Variants in ATP8A2 observed in about 807,000 individuals in gnomAD.
ATP8A2 encodes the protein ATPase phospholipid transporting 8A2.
Under a neutral mutation model 165.6 loss-of-function variants are expected in ATP8A2, and 100 were observed. The ratio of observed to expected loss-of-function variants is 0.60; its 90% CI spans 0.51 to 0.71. ATP8A2 has a LOEUF of 0.71. Among genes scored for constraint, ATP8A2 ranks in the 30% least tolerant of loss-of-function variants. ATP8A2 has a pLI of 0.00. For synonymous variants in ATP8A2, 543 were observed against 548.8 expected (o/e 0.99, Z 0.15); for missense variants, 1,227 against 1,479.5 (o/e 0.83, Z 2.80).
chr13:25,902,697 T>C (rs930802584), intron 33 of ATP8A2, among the ~76,000 whole-genome samples: 1 of 152,116 alleles, frequency 6.6e-6, no homozygotes, highest in Non-Finnish European at 1.5e-5. Flanking sequence ...CATTTGCCCT[T>C]GACTGTTCAT....
At chr13:25,915,279 G>T (rs929028417) in intron 33 of ATP8A2, among the ~76,000 whole-genome samples, 2 of 152,190 alleles carry the variant, frequency 1.3e-5, no homozygotes, top group Non-Finnish European at 1.5e-5. Context: ...ATCAGTCAGG[G>T]TCTAACTGGG....
chr13:25,470,342 G>GTGGGCTTCGTTTAAGATACAGA (rs2035808374), intron 2 of ATP8A2, among the ~76,000 whole-genome samples: 1 of 152,188 alleles, frequency 6.6e-6, no homozygotes, highest in South Asian at 2.1e-4. Context: ...TTCAGAATGT[G>GTGGGCTTCGTTTAAGATACAGA]TGGGCTTCGT....
intron 33 of ATP8A2, among the ~76,000 whole-genome samples, chr13:25,928,506 G>A (rs1954674557): frequency 6.6e-6 from 1 of 152,164 alleles, no homozygotes; most frequent in African/African-American, 2.4e-5. Context: ...AGGGAATAGA[G>A]AGCAAGAACT....
rs374416231 is a variant in ATP8A2 at position 25,394,686 on chromosome 13, T to G, written c.76+22398T>G. The stretch of plus-strand genomic sequence containing the variant: ...AGGGTTATTTTGAGCTGAAGGCAAT[T>G]AAGAAACATCAGATGCAGAAAGGAA... On this transcript the variant is annotated intron_variant, in intron 1 of 36. Coordinates refer to ENST00000381655, the MANE Select transcript of ATP8A2 (RefSeq NM_016529.6). Among the ~76,000 whole-genome samples the G allele has an allele frequency of 3.9e-5, 6 of 152,232 alleles. No individual in the cohort carries two copies. The East Asian group carries it at 9.6e-4, about 24-fold the overall frequency.
chr13:25,930,256 C>T (rs993318929), intron 33 of ATP8A2, among the ~76,000 whole-genome samples: 2 of 152,284 alleles, frequency 1.3e-5, no homozygotes, highest in Admixed American at 6.5e-5. Flanking sequence ...CTCTTTCAAA[C>T]CCTTTAATGA....
chr13:25,978,712 C>T (rs183010035), intron 35 of ATP8A2, among the ~76,000 whole-genome samples: 1 of 152,004 alleles, frequency 6.6e-6, no homozygotes, highest in East Asian at 1.9e-4. Context: ...GAGGCTGAGG[C>T]GGGCGGATCA....
At chr13:25,978,144 G>A (rs1201599280) in intron 35 of ATP8A2, among the ~76,000 whole-genome samples, 1 of 151,988 alleles carries the variant, frequency 6.6e-6, no homozygotes, top group Non-Finnish European at 1.5e-5. Flanking sequence ...TTTTTGGGGA[G>A]GATAGTTTTA....
At chr13:25,737,270 C>G (rs2043792370) in intron 25 of ATP8A2, among the ~76,000 whole-genome samples, 1 of 152,196 alleles carries the variant, frequency 6.6e-6, no homozygotes, top group Non-Finnish European at 1.5e-5. Context: ...AAAACTCACA[C>G]TCAGGTGTTT....
chr13:25,521,310 AT>A (rs1279080979), intron 2 of ATP8A2, among the ~76,000 whole-genome samples: 1 of 151,864 alleles, frequency 6.6e-6, no homozygotes, highest in African/African-American at 2.4e-5. Context: ...GCTTGTAAGT[AT>A]TTTCTCCCAT....
intron 33 of ATP8A2, among the ~76,000 whole-genome samples, chr13:25,910,306 TAC>T (rs1303128754): frequency 5.3e-5 from 8 of 152,228 alleles, no homozygotes; most frequent in African/African-American, 1.9e-4. Context: ...GTTGGCTGGT[TAC>T]AGATTTGTGT....
intron 1 of ATP8A2, among the ~76,000 whole-genome samples, chr13:25,430,341 A>G (rs1196070130): frequency 6.6e-6 from 1 of 152,190 alleles, no homozygotes; most frequent in Non-Finnish European, 1.5e-5. Flanking sequence ...AAACAACCAC[A>G]GTGTGAATTC....
chr13:25,799,910 A>G (rs564474159), intron 27 of ATP8A2, among the ~76,000 whole-genome samples: 1 of 152,370 alleles, frequency 6.6e-6, no homozygotes, highest in Admixed American at 6.5e-5. Flanking sequence ...TCAGATCTTC[A>G]GGAAAATGTA....
At chr13:25,620,370 T>TC (rs1425911313) in intron 24 of ATP8A2, among the ~76,000 whole-genome samples, 1 of 152,028 alleles carries the variant, frequency 6.6e-6, no homozygotes, top group African/African-American at 2.4e-5. Flanking sequence ...GGCAGAAAAA[T>TC]CTTTGAAGAA....
chr13:25,898,493 G>C (rs569349102), intron 33 of ATP8A2, among the ~76,000 whole-genome samples: 2 of 152,114 alleles, frequency 1.3e-5, no homozygotes, highest in Admixed American at 6.5e-5. Flanking sequence ...TTGAGGAGGC[G>C]GTCTGCCTGT....
intron 1 of ATP8A2, among the ~76,000 whole-genome samples, chr13:25,435,096 T>G (rs2034719162): frequency 6.6e-6 from 1 of 152,056 alleles, no homozygotes; most frequent in South Asian, 2.1e-4. Context: ...TCTTCTGAAC[T>G]CTAGGAGTTC....
chr13:25,689,485 G>A (rs1175849733), intron 24 of ATP8A2, among the ~76,000 whole-genome samples: 4 of 152,286 alleles, frequency 2.6e-5, no homozygotes, highest in East Asian at 3.9e-4. Flanking sequence ...ATTTGTAAAT[G>A]TAATCTCCAT....
chr13:25,402,309 A>G (rs4770826), intron 1 of ATP8A2, among the ~76,000 whole-genome samples: 86,127 of 152,040 alleles, frequency 0.57, 24,559 homozygotes, highest in African/African-American at 0.6. Flanking sequence ...AAGGAACTGA[A>G]ACTGCAGAAA....
At chr13:25,856,093 G>A (rs574694797) in intron 30 of ATP8A2, among the ~76,000 whole-genome samples, 1 of 152,160 alleles carries the variant, frequency 6.6e-6, no homozygotes, top group African/African-American at 2.4e-5. Context: ...CATTTTTCAG[G>A]TTGTCTTTTT....
intron 36 of ATP8A2, among the ~76,000 whole-genome samples, chr13:26,015,080 A>T (rs1949552679): frequency 1.3e-5 from 2 of 152,248 alleles, no homozygotes; most frequent in African/African-American, 4.8e-5. Flanking sequence ...GAGAGTCATA[A>T]ATGTCTTAAA....
Sources: gnomAD v4.1 joint callset for allele counts (sites outside exome capture counted in the v4.1 genomes callset) on GRCh38, gnomAD v4.1.1 for gene constraint, MANE v1.5 for transcripts, NCBI Gene and HGNC (gene_info 2026-07-23, HGNC 2026-07-21) for gene names.